Variants in GIPR observed in about 807,000 individuals in gnomAD.
GIPR encodes GIP-R.
In GIPR, 74 loss-of-function variants were observed where a neutral mutation model predicts 62.2. The observed-to-expected ratio is 1.19, with a 90% CI of 0.99 to 1.44. The LOEUF is 1.44. GIPR is among the 40% of genes most tolerant of loss of function. GIPR has a pLI of 0.00. For synonymous variants in GIPR, 256 were observed against 262.2 expected, an observed-to-expected ratio of 0.98 and a Z score of 0.23; for missense variants, 664 against 611.8, an observed-to-expected ratio of 1.09 and a Z score of -0.90.
In GIPR at chr19:45,677,726, G is replaced by A. The variant is rs758913561; in HGVS notation, c.871G>A (p.Glu291Lys). ...CTTCCCCAGGTGCTGGGAGCGCAACGAAGTCAAGGCCATTTGGTGGATTAT... is the reference window on the plus strand; with the variant it reads ...CTTCCCCAGGTGCTGGGAGCGCAACAAAGTCAAGGCCATTTGGTGGATTAT... ...YENTQCWERN[E>K]VKAIWWIIRT... Residue 291 changes from glutamate to lysine, a missense_variant, in exon 10 of 14, where the codon GAA (glutamate) becomes AAA (lysine). Coordinates refer to ENST00000590918, the MANE Select transcript of GIPR (RefSeq NM_000164.4). The A allele has an allele frequency of 1.4e-5, 22 of 1,613,296 alleles. No individual in the cohort carries two copies. The highest frequency in any genetic ancestry group is 3.3e-4 in the Middle Eastern group (2 of 6,082).
intron 5 of GIPR, among the ~76,000 whole-genome samples, chr19:45,673,229 G>A (rs947001069): frequency 1.9e-4 from 29 of 151,984 alleles, no homozygotes; most frequent in Admixed American, 1.6e-3. Context: ...AGACCAGCCT[G>A]GCCAACATGT....
At chr19:45,675,896 AT>A (rs1414289894) in intron 7 of GIPR, among the ~76,000 whole-genome samples, 11 of 151,824 alleles carry the variant, frequency 7.2e-5, no homozygotes, top group African/African-American at 2.4e-4. Context: ...TTTCAAAAAA[AT>A]AAAATGAAAT....
chr19:45,675,689 C>T (rs912103508), intron 7 of GIPR, among the ~76,000 whole-genome samples: 2 of 149,064 alleles, frequency 1.3e-5, no homozygotes, highest in Admixed American at 1.4e-4. Context: ...GAGTTCAAGA[C>T]CAGCCTGGGT....
intron 10 of GIPR, 57 bp downstream of exon 10, chr19:45,677,836 T>A: frequency 1.3e-6 from 2 of 1,598,418 alleles, no homozygotes; most frequent in Non-Finnish European, 1.7e-6. Flanking sequence ...TTCTGGGAAG[T>A]GGGCTGCCAC....
intron 12 of GIPR, among the ~76,000 whole-genome samples, chr19:45,678,769 T>A (rs369317791): frequency 9.2e-5 from 14 of 152,354 alleles, no homozygotes; most frequent in East Asian, 7.7e-4. Context: ...TGCCTGCTAG[T>A]GAAGAGTGAG....
intron 2 of GIPR, among the ~76,000 whole-genome samples, chr19:45,669,871 C>A (rs973066479): frequency 2.0e-5 from 3 of 150,622 alleles, no homozygotes; most frequent in African/African-American, 7.3e-5. Context: ...ATCGCTTGAG[C>A]CCGGGAGGCA....
intron 9 of GIPR, 50 bp from the exon 10 acceptor site, chr19:45,677,660 C>A (rs375644633): frequency 3.5e-6 from 5 of 1,413,144 alleles, no homozygotes. Context: ...GCTTGGTGAT[C>A]GGTGAGTCTA....
intron 1 of GIPR, among the ~76,000 whole-genome samples, chr19:45,668,884 G>T (rs1051134199): frequency 6.6e-6 from 1 of 152,236 alleles, no homozygotes; most frequent in South Asian, 2.1e-4. Context: ...CCCCAGCGGG[G>T]AAAGTTTTGT....
At chr19:45,677,826 T>C (rs372539572) in intron 10 of GIPR, 47 bp downstream of exon 10, 14 of 1,597,116 alleles carry the variant, frequency 8.8e-6, no homozygotes, top group African/African-American at 2.7e-5. Context: ...GGATTTCCCA[T>C]TCTGGGAAGT....
chr19:45,679,318 A>T (rs1302945780), intron 12 of GIPR, among the ~76,000 whole-genome samples: 1 of 151,890 alleles, frequency 6.6e-6, no homozygotes, highest in Non-Finnish European at 1.5e-5. Context: ...TGTCTCTACT[A>T]AAAAAATAGA....
intron 12 of GIPR, chr19:45,678,498 G>A (rs1236441689): frequency 3.9e-6 from 2 of 511,822 alleles, no homozygotes; most frequent in African/African-American, 3.9e-5. Flanking sequence ...AGAGTAGCTG[G>A]GATTACAGGA....
At position 45,681,896 on chromosome 19, in the gene GIPR, T is replaced by C; in HGVS notation, c.1362T>C (p.Pro454=). Residue 454 remains proline (P), a synonymous_variant, in exon 14 of 14, where the codon CCT becomes CCC. Transcript: ENST00000590918. ...TGTCCTCGGGGACCCTCCCAGGGCCTGGGAATGAGGCCAGCCGGGAGTTGG... is the reference window on the plus strand; with the variant it reads ...TGTCCTCGGGGACCCTCCCAGGGCCCGGGAATGAGGCCAGCCGGGAGTTGG... ...RGLSSGTLPG[P]GNEASRELES... is the part of the protein sequence containing the mutation. 6.4e-7 allele frequency: 1 copy of C among 1,559,814 alleles called. No individual in the cohort carries two copies. The highest frequency in any genetic ancestry group is 1.2e-5 in the South Asian group (1 of 84,748).
In GIPR at chr19:45,670,700, C is replaced by T; in HGVS notation, c.138C>T (p.Cys46=). 6.2e-7 allele frequency: 1 copy of T among 1,611,962 alleles called. No individual in the cohort carries two copies. Among genetic ancestry groups the T allele is most frequent in the Non-Finnish European group, 8.5e-7 (1 of 1,179,096 alleles). Residue 46 remains cysteine, a synonymous_variant, in exon 3 of 14, where the codon TGC becomes TGT. Coordinates refer to ENST00000590918, the MANE Select transcript of GIPR (RefSeq NM_000164.4). ...YQRWERYRRE[C]QETLAAAEPP... is the part of the protein sequence containing the mutation. The stretch of plus-strand genomic sequence containing the variant: ...GCTGGGAACGGTACCGCAGGGAGTG[C>T]CAGGAGACCTTGGCAGCCGCGGAAC...
At chr19:45,678,273 C>A (rs1967064034) in intron 12 of GIPR, 47 bp downstream of exon 12, 1 of 1,539,914 alleles carries the variant, frequency 6.5e-7, no homozygotes, top group African/African-American at 1.4e-5. Flanking sequence ...CCAGGGCCTC[C>A]TCCCCAGAGG....
Position 45,678,235 on chromosome 19 carries a change from G to A in GIPR, c.1152+9G>A, listed in dbSNP as rs1439698878. 6.4e-7 allele frequency: 1 copy of A among 1,552,186 alleles called. No individual in the cohort carries two copies. Among genetic ancestry groups the A allele is most frequent in the Admixed American group, 1.9e-5 (1 of 51,536 alleles). ...TCCTCAGCTCCTTCCAGGTGCTCAGGCAGGGTGCAGGGGCTCCATCCTTCC... is the reference window on the plus strand; with the variant it reads ...TCCTCAGCTCCTTCCAGGTGCTCAGACAGGGTGCAGGGGCTCCATCCTTCC... On this transcript the variant is annotated intron_variant, in intron 12 of 13. Coordinates refer to ENST00000590918, the MANE Select transcript of GIPR (RefSeq NM_000164.4).
chr19:45,671,215 A>T, intron 3 of GIPR, 70 bp from the exon 4 acceptor site: 1 of 887,020 alleles, frequency 1.1e-6, no homozygotes. Context: ...CACTTGGCCC[A>T]CTGCGCAGTA....
At chr19:45,681,337 A>G (rs970847845) in intron 12 of GIPR, among the ~76,000 whole-genome samples, 1 of 152,104 alleles carries the variant, frequency 6.6e-6, no homozygotes, top group African/African-American at 2.4e-5. Context: ...TCTACTAAAA[A>G]TACAAAAATT....
intron 7 of GIPR, among the ~76,000 whole-genome samples, chr19:45,676,201 T>TAAAA (rs34622373): frequency 8.7e-6 from 1 of 114,564 alleles, no homozygotes. Flanking sequence ...AGGCTCCGTC[T>TAAAA]AAAAAAAAAA....
intron 6 of GIPR, 43 bp from the exon 7 acceptor site, chr19:45,674,639 C>G: frequency 1.3e-6 from 2 of 1,599,600 alleles, no homozygotes; most frequent in Non-Finnish European, 8.6e-7. Context: ...TGGCTGAGGA[C>G]AGCTCTCCAG....
Sources: allele counts gnomAD v4.1 joint callset (sites outside exome capture counted in the v4.1 genomes callset), GRCh38; gene constraint gnomAD v4.1.1; transcripts MANE v1.5; gene names NCBI Gene and HGNC (gene_info 2026-07-23, HGNC 2026-07-21).